CEP63: variants seen among roughly 807,000 people sequenced by gnomAD.
CEP63 encodes centrosomal protein of 63 kDa.
A neutral mutation model predicts 89.1 loss-of-function variants in CEP63; 84 were observed. That is an observed-to-expected ratio of 0.94 (90% CI 0.79 to 1.13). The LOEUF (loss-of-function observed/expected upper bound fraction) is 1.13, where lower values mean the gene tolerates loss of function less well. Ranked by LOEUF, CEP63 falls within the 50% of genes most tolerant of loss-of-function variation. The probability of loss-of-function intolerance (pLI) is 0.00; values close to 1 mark genes in which losing one functional copy is unlikely to be tolerated. For missense variants in CEP63, 838 were observed against 813.3 expected (o/e 1.03, Z -0.37); for synonymous variants, 267 against 272.5 (o/e 0.98, Z 0.20).
chr3:134,696,963 A>C, the CEP63 span, among the ~76,000 whole-genome samples: 65 of 152,218 alleles, frequency 4.3e-4, no homozygotes, highest in Non-Finnish European at 7.8e-4. Flanking sequence ...AGGAAGTCAG[A>C]TCATGGAAGT....
At chr3:134,703,065 A>G in the CEP63 span, among the ~76,000 whole-genome samples, 141,033 of 152,168 alleles carry the variant, frequency 0.93, 65,682 homozygotes, top group East Asian at 1. Flanking sequence ...GGAGGCTGAG[A>G]TGGGTGGATC....
chr3:134,494,956 G>A (rs1217071648), intron 1 of CEP63, among the ~76,000 whole-genome samples: 1 of 152,036 alleles, frequency 6.6e-6, no homozygotes, highest in African/African-American at 2.4e-5. Flanking sequence ...TTCTCATTTT[G>A]TTAAGGGAGT....
At chr3:134,537,625 C>T (rs184634641) in intron 6 of CEP63, among the ~76,000 whole-genome samples, 11 of 152,270 alleles carry the variant, frequency 7.2e-5, no homozygotes, top group African/African-American at 1.4e-4. Flanking sequence ...CTAGCTTTGT[C>T]GCCCTCTCTT....
chr3:134,622,877 C>T, the CEP63 span, among the ~76,000 whole-genome samples: 4 of 152,150 alleles, frequency 2.6e-5, no homozygotes, highest in Non-Finnish European at 4.4e-5. Context: ...TTGTTTTTAG[C>T]TGGAAACATC....
the CEP63 span, among the ~76,000 whole-genome samples, chr3:134,777,853 G>C: frequency 6.6e-5 from 10 of 151,926 alleles, no homozygotes; most frequent in East Asian, 1.9e-3. Flanking sequence ...TTGACCTTGT[G>C]ATCTGCCCAC....
At chr3:134,733,961 C>A in the CEP63 span, among the ~76,000 whole-genome samples, 2 of 152,132 alleles carry the variant, frequency 1.3e-5, no homozygotes, top group African/African-American at 2.4e-5. Context: ...GAGGCATTCC[C>A]GCTAAAGCAA....
downstream of CEP63, among the ~76,000 whole-genome samples, chr3:134,578,963 G>A (rs1373606218): frequency 6.6e-6 from 1 of 151,960 alleles, no homozygotes; most frequent in Non-Finnish European, 1.5e-5. Context: ...TCACCATGTT[G>A]GCTAGGCTGG....
intron 14 of CEP63, 77 bp downstream of exon 14, chr3:134,559,506 G>A: frequency 1.0e-5 from 13 of 1,304,890 alleles, no homozygotes; most frequent in Admixed American, 2.1e-5. Context: ...GGGTGAAGAA[G>A]GTGATTTTTT....
chr3:134,736,647 A>G, the CEP63 span, among the ~76,000 whole-genome samples: 1 of 152,172 alleles, frequency 6.6e-6, no homozygotes, highest in African/African-American at 2.4e-5. Flanking sequence ...CTTTATTCAA[A>G]AACATTGAAA....
chr3:134,646,772 G>A, the CEP63 span, among the ~76,000 whole-genome samples: 1 of 152,146 alleles, frequency 6.6e-6, no homozygotes, highest in African/African-American at 2.4e-5. Context: ...TGGGGCTCTG[G>A]GAGTAGAGGT....
At chr3:134,776,091 C>A in the CEP63 span, among the ~76,000 whole-genome samples, 1,458 of 152,352 alleles carry the variant, frequency 9.6e-3, 27 homozygotes, top group African/African-American at 0.032. Context: ...CTCTGACTTA[C>A]ATTTTCTTCC....
the CEP63 span, chr3:134,779,603 C>A: frequency 2.0e-5 from 3 of 152,216 alleles, no homozygotes; most frequent in Non-Finnish European, 2.9e-5. Flanking sequence ...CCCAGCCTCC[C>A]TTTTAGTTGG....
the CEP63 span, among the ~76,000 whole-genome samples, chr3:134,702,239 T>A: frequency 6.6e-6 from 1 of 152,164 alleles, no homozygotes; most frequent in South Asian, 2.1e-4. Flanking sequence ...GGAAAAACAT[T>A]CCATGCTCAT....
intron 12 of CEP63, among the ~76,000 whole-genome samples, chr3:134,555,840 A>G (rs1219660474): frequency 6.6e-6 from 1 of 152,154 alleles, no homozygotes; most frequent in South Asian, 2.1e-4. Context: ...AAAAGAACAA[A>G]GCTGGAGGCA....
chr3:134,622,576 T>C, the CEP63 span, among the ~76,000 whole-genome samples: 1 of 152,182 alleles, frequency 6.6e-6, no homozygotes, highest in African/African-American at 2.4e-5. Flanking sequence ...GGAATTTCAT[T>C]GCTTAATGGG....
At chr3:134,643,437 G>T in the CEP63 span, 4 of 1,459,316 alleles carry the variant, frequency 2.7e-6, no homozygotes, top group Non-Finnish European at 2.9e-6. Context: ...CCCAGGCAGA[G>T]CAAAGAGCTG....
chr3:134,682,810 A>G, the CEP63 span, among the ~76,000 whole-genome samples: 2 of 152,200 alleles, frequency 1.3e-5, no homozygotes, highest in African/African-American at 4.8e-5. Context: ...TTTACTGCTA[A>G]AGAAACTGAG....
downstream of CEP63, among the ~76,000 whole-genome samples, chr3:134,592,469 G>GGTGTGTGTGTGTGTGTGTGT (rs34973626): frequency 0.011 from 1,366 of 125,160 alleles, 55 homozygotes; most frequent in Admixed American, 0.016. Flanking sequence ...TCTGCAAACT[G>GGTGTGTGTGTGTGTGTGTGT]GTGTGTGTGT....
chr3:134,603,715 A>G, the CEP63 span: 1 of 1,613,788 alleles, frequency 6.2e-7, no homozygotes, highest in Non-Finnish European at 8.5e-7. Context: ...GTTCAGGGTC[A>G]GGGGCCATGT....
Sources: gnomAD v4.1 joint callset for allele counts (sites outside exome capture counted in the v4.1 genomes callset) on GRCh38, gnomAD v4.1.1 for gene constraint, MANE v1.5 for transcripts, NCBI Gene and HGNC (gene_info 2026-07-23, HGNC 2026-07-21) for gene names.